AMPH: variants seen among roughly 807,000 people sequenced by gnomAD.
AMPH encodes amphiphysin (Stiff-Mann syndrome with breast cancer 128kD autoantigen).
Under a neutral mutation model 99.1 loss-of-function variants are expected in AMPH, and 49 were observed. The ratio of observed to expected loss-of-function variants is 0.49; its 90% CI spans 0.39 to 0.63. The LOEUF (loss-of-function observed/expected upper bound fraction) is 0.63, where lower values mean the gene tolerates loss of function less well. AMPH is among the 20% of genes least tolerant of loss of function. AMPH has a pLI of 0.00. For synonymous variants in AMPH, 314 were observed against 317.3 expected (o/e 0.99, Z 0.11); for missense variants, 759 against 863.4 (o/e 0.88, Z 1.52).
At chr7:38,398,174 T>G in intron 17 of AMPH, among the ~76,000 whole-genome samples, 1 of 112,742 alleles carries the variant, frequency 8.9e-6, no homozygotes, top group African/African-American at 3.7e-5. Context: ...CACTGCTAGG[T>G]ATATACTCAA....
chr7:38,446,940 T>C (rs2276534), intron 11 of AMPH, among the ~76,000 whole-genome samples: 8,623 of 152,242 alleles, frequency 0.057, 635 homozygotes, highest in East Asian at 0.35. Flanking sequence ...ACTTTTGTTA[T>C]ATTTGTACTA....
rs769302890 is a variant in AMPH at position 38,503,641 on chromosome 7, A to G, written c.205+9T>C. 1.1e-5 allele frequency: 17 copies of G among 1,613,456 alleles called. No homozygotes were observed. The highest frequency in any genetic ancestry group is 1.0e-5 in the Non-Finnish European group (12 of 1,179,564). The stretch of plus-strand genomic sequence containing the variant: ...AAGTAACATGCAGTAAACAACTCAT[A>G]CACATTACCTTTGATTGCTGCTAAA... On this transcript the variant is annotated intron_variant, in intron 3 of 20. Coordinates refer to ENST00000356264, the MANE Select transcript of AMPH (RefSeq NM_001635.4).
chr7:38,505,425 A>G (rs970307284), intron 2 of AMPH, among the ~76,000 whole-genome samples: 8 of 152,370 alleles, frequency 5.3e-5, no homozygotes, highest in Admixed American at 3.3e-4. Context: ...GCTGGCACGT[A>G]TGAACTTCAA....
intron 1 of AMPH, among the ~76,000 whole-genome samples, chr7:38,569,125 C>A (rs1022742425): frequency 9.9e-5 from 15 of 152,006 alleles, no homozygotes; most frequent in African/African-American, 2.9e-4. Context: ...TGTAATCCAA[C>A]CCTCATCTAT....
intron 17 of AMPH, among the ~76,000 whole-genome samples, chr7:38,394,764 G>C (rs715414): frequency 0.45 from 68,998 of 152,048 alleles, 15,841 homozygotes; most frequent in Admixed American, 0.5. Flanking sequence ...GCATGAGTGA[G>C]TTTGTCCCCA....
intron 1 of AMPH, among the ~76,000 whole-genome samples, chr7:38,616,422 CTGTT>C (rs758066672): frequency 6.6e-6 from 1 of 152,088 alleles, no homozygotes; most frequent in Non-Finnish European, 1.5e-5. Flanking sequence ...CTTTGGAAAA[CTGTT>C]TGGTACCATC....
chr7:38,432,689 G>A (rs74921996), intron 12 of AMPH, among the ~76,000 whole-genome samples: 3,929 of 151,982 alleles, frequency 0.026, 177 homozygotes, highest in African/African-American at 0.09. Flanking sequence ...AGGAAATGCA[G>A]GCCCTAATCA....
chr7:38,414,571 C>T (rs1257497477), intron 17 of AMPH, among the ~76,000 whole-genome samples: 1 of 152,068 alleles, frequency 6.6e-6, no homozygotes, highest in African/African-American at 2.4e-5. Flanking sequence ...TTAATTGTAA[C>T]CAAATAATAC....
intron 3 of AMPH, among the ~76,000 whole-genome samples, chr7:38,495,586 T>A (rs1284593950): frequency 2.2e-5 from 3 of 138,132 alleles, no homozygotes; most frequent in African/African-American, 8.2e-5. Context: ...ATACGGACAG[T>A]GGCCCTGGCT....
chr7:38,599,255 A>G (rs116288494), intron 1 of AMPH, among the ~76,000 whole-genome samples: 1 of 152,280 alleles, frequency 6.6e-6, no homozygotes, highest in African/African-American at 2.4e-5. Flanking sequence ...ACAGATTTCA[A>G]CTGCACTGGT....
intron 5 of AMPH, among the ~76,000 whole-genome samples, chr7:38,482,089 CCAAGTTAATAGCATAGCTATTA>C (rs1472844312): frequency 1.3e-5 from 2 of 152,254 alleles, no homozygotes. Flanking sequence ...TATCTCCTTT[CCAAGTTAATAGCATAGCTATTA>C]CAAGTTAATA....
chr7:38,628,533 A>C (rs900789842), intron 1 of AMPH, among the ~76,000 whole-genome samples: 1 of 152,246 alleles, frequency 6.6e-6, no homozygotes, highest in Non-Finnish European at 1.5e-5. Context: ...TAATCCATAC[A>C]TTCCAATAGT....
intron 11 of AMPH, among the ~76,000 whole-genome samples, chr7:38,448,843 AACTAG>A (rs1285190771): frequency 3.9e-5 from 6 of 152,334 alleles, no homozygotes; most frequent in African/African-American, 1.4e-4. Flanking sequence ...ACACACAATA[AACTAG>A]ACCTTCTAGG....
chr7:38,393,862 G>T, intron 18 of AMPH, 143 bp downstream of exon 18: 1 of 739,426 alleles, frequency 1.4e-6, no homozygotes, highest in Non-Finnish European at 2.3e-6. Context: ...CTGAGAATCT[G>T]ATAATAATGT....
intron 17 of AMPH, among the ~76,000 whole-genome samples, chr7:38,406,777 G>A (rs79913976): frequency 9.2e-5 from 6 of 65,366 alleles, no homozygotes; most frequent in Non-Finnish European, 1.5e-4. Context: ...TCTCTCTCTC[G>A]TGCTGGATGC....
intron 3 of AMPH, among the ~76,000 whole-genome samples, chr7:38,499,315 A>T (rs546972681): frequency 6.6e-6 from 1 of 152,306 alleles, no homozygotes; most frequent in South Asian, 2.1e-4. Context: ...GTTTGCTGCT[A>T]AAATGAATGC....
intron 5 of AMPH, among the ~76,000 whole-genome samples, chr7:38,483,068 T>C (rs1264200075): frequency 6.6e-6 from 1 of 152,108 alleles, no homozygotes; most frequent in East Asian, 1.9e-4. Flanking sequence ...CAGTGCCATA[T>C]AATGAAGAGG....
intron 17 of AMPH, among the ~76,000 whole-genome samples, chr7:38,398,136 G>A (rs1306422066): frequency 7.5e-6 from 1 of 133,198 alleles, no homozygotes; most frequent in African/African-American, 2.8e-5. Flanking sequence ...AAAACTAAAA[G>A]TAGAGATACC....
At chr7:38,515,258 T>G (rs974027751) in intron 2 of AMPH, among the ~76,000 whole-genome samples, 3 of 152,152 alleles carry the variant, frequency 2.0e-5, no homozygotes, top group African/African-American at 7.2e-5. Context: ...TGGATTTGTG[T>G]CCACACCCAA....
Sources: gnomAD v4.1 joint callset for allele counts (sites outside exome capture counted in the v4.1 genomes callset) on GRCh38, gnomAD v4.1.1 for gene constraint, MANE v1.5 for transcripts, NCBI Gene and HGNC (gene_info 2026-07-23, HGNC 2026-07-21) for gene names.